Variants in TGFBR3 observed in about 807,000 individuals in gnomAD.
The protein encoded by TGFBR3 is transforming growth factor beta receptor 3.
TGFBR3 carries 46 observed loss-of-function variants against 87.9 expected under a neutral mutation model. The ratio of observed to expected loss-of-function variants is 0.52; its 90% CI spans 0.41 to 0.67. TGFBR3 has a LOEUF of 0.67. Among genes scored for constraint, TGFBR3 ranks in the 30% least tolerant of loss-of-function variants. The pLI is 0.00. For missense variants in TGFBR3, 866 were observed against 1,041.9 expected (o/e 0.83, Z 2.32); for synonymous variants, 381 against 391.6 (o/e 0.97, Z 0.32).
intron 16 of TGFBR3, among the ~76,000 whole-genome samples, chr1:91,684,619 C>T (rs1411935650): frequency 1.3e-5 from 2 of 152,148 alleles, no homozygotes; most frequent in East Asian, 1.9e-4. Flanking sequence ...AGCCATTCAT[C>T]GTGCCAAATG....
At chr1:91,885,490 C>T (rs1012084053) in intron 1 of TGFBR3, among the ~76,000 whole-genome samples, 1 of 152,162 alleles carries the variant, frequency 6.6e-6, no homozygotes, top group African/African-American at 2.4e-5. Context: ...CAATTGACTG[C>T]GAACCCACAA....
intron 3 of TGFBR3, among the ~76,000 whole-genome samples, chr1:91,761,515 G>C (rs1307216984): frequency 6.6e-6 from 1 of 152,190 alleles, no homozygotes; most frequent in Non-Finnish European, 1.5e-5. Flanking sequence ...ATACCCAATA[G>C]TTTCTTTAAA....
Position 91,847,329 on chromosome 1 carries a change from C to A in TGFBR3, c.61+14142G>T, listed in dbSNP as rs142280427. On this transcript the variant is annotated intron_variant, in intron 2 of 16. Coordinates refer to ENST00000212355, the MANE Select transcript of TGFBR3 (RefSeq NM_003243.5). ...ATTATAAGAATAAAGTAGGGCCGGG[C>A]GCGGTGGCTCATGCCTGTAATCCCA... is the stretch of plus-strand genomic sequence containing the variant. 2.0e-5 allele frequency among the ~76,000 whole-genome samples: 3 copies of A among 152,140 alleles called. No individual in the cohort carries two copies. In the South Asian group the frequency reaches 6.2e-4, roughly 32 times the overall value.
chr1:91,828,550 G>A (rs1006914709), intron 2 of TGFBR3, among the ~76,000 whole-genome samples: 3 of 152,174 alleles, frequency 2.0e-5, no homozygotes, highest in African/African-American at 4.8e-5. Flanking sequence ...AGTTCATAAG[G>A]AATTATCATG....
At chr1:91,790,980 A>T (rs947283774) in intron 3 of TGFBR3, among the ~76,000 whole-genome samples, 1 of 152,204 alleles carries the variant, frequency 6.6e-6, no homozygotes, top group Non-Finnish European at 1.5e-5. Flanking sequence ...GTGTATTAAT[A>T]TTGTGGAAAT....
chr1:91,719,202 G>A, intron 10 of TGFBR3, 110 bp downstream of exon 10: 1 of 1,452,972 alleles, frequency 6.9e-7, no homozygotes, highest in Non-Finnish European at 9.6e-7. Flanking sequence ...CTTTCTTCAG[G>A]CCTGGGGTGA....
intron 16 of TGFBR3, among the ~76,000 whole-genome samples, chr1:91,691,960 T>C (rs1423524309): frequency 6.6e-6 from 1 of 151,846 alleles, no homozygotes; most frequent in Non-Finnish European, 1.5e-5. Flanking sequence ...ATTGCGCCAT[T>C]GCACTCCAGC....
chr1:91,814,981 A>G (rs1571538235), intron 2 of TGFBR3, among the ~76,000 whole-genome samples: 1 of 152,170 alleles, frequency 6.6e-6, no homozygotes, highest in East Asian at 1.9e-4. Flanking sequence ...AAAAATCTCT[A>G]CTATACTGTG....
chr1:91,773,694 A>G (rs1557703201), intron 3 of TGFBR3, among the ~76,000 whole-genome samples: 1 of 152,170 alleles, frequency 6.6e-6, no homozygotes. Context: ...AAAACAAAAG[A>G]TCTCTAGAAA....
chr1:91,766,228 G>A (rs1056985268), intron 3 of TGFBR3, among the ~76,000 whole-genome samples: 2 of 133,276 alleles, frequency 1.5e-5, no homozygotes, highest in Admixed American at 1.7e-4. Flanking sequence ...GTAGAGACAG[G>A]GTCTTGCTAT....
chr1:91,787,954 A>AG (rs1477991215), intron 3 of TGFBR3, among the ~76,000 whole-genome samples: 1 of 149,820 alleles, frequency 6.7e-6, no homozygotes, highest in African/African-American at 2.5e-5. Flanking sequence ...AAAAAAAAAA[A>AG]AACCCCAAGA....
chr1:91,804,660 T>C (rs939785879), intron 2 of TGFBR3, among the ~76,000 whole-genome samples: 1 of 152,118 alleles, frequency 6.6e-6, no homozygotes, highest in Non-Finnish European at 1.5e-5. Flanking sequence ...GGCCCGAGTA[T>C]AGCACCTCCC....
Position 91,797,437 on chromosome 1 carries a change from A to G in TGFBR3, c.96T>C (p.Pro32=), listed in dbSNP as rs373417209. ...PEPGALCELS[P]VSASHPVQAL... Reference sequence around the variant, plus strand: ...CCTGGACAGGATGGGAGGCACTGACAGGTGACAGTTCACACAGTGCACCAG... The same window carrying G: ...CCTGGACAGGATGGGAGGCACTGACGGGTGACAGTTCACACAGTGCACCAG... Residue 32 remains proline (P), a synonymous_variant, in exon 3 of 17, where the codon CCT becomes CCC. Coordinates refer to ENST00000212355, the MANE Select transcript of TGFBR3 (RefSeq NM_003243.5). The G allele has an allele frequency of 2.5e-6, 4 of 1,614,088 alleles. No individual in the cohort carries two copies. In the South Asian group the frequency reaches 3.3e-5, roughly 13 times the overall value.
At chr1:91,685,777 T>G (rs1007148011) in intron 16 of TGFBR3, among the ~76,000 whole-genome samples, 35 of 152,198 alleles carry the variant, frequency 2.3e-4, no homozygotes, top group African/African-American at 7.9e-4. Context: ...AGTAGGAGCT[T>G]TATTTCTAGA....
intron 3 of TGFBR3, among the ~76,000 whole-genome samples, chr1:91,790,969 C>T (rs752948367): frequency 5.3e-5 from 8 of 151,906 alleles, no homozygotes; most frequent in South Asian, 2.1e-4. Flanking sequence ...AAAAGGTGTT[C>T]GTGTATTAAT....
At chr1:91,899,909 C>G (rs1258742913) in intron 1 of TGFBR3, among the ~76,000 whole-genome samples, 1 of 149,974 alleles carries the variant, frequency 6.7e-6, no homozygotes, top group Non-Finnish European at 1.5e-5. Flanking sequence ...ATGATGGTAC[C>G]TGTGAATAAC....
At chr1:91,801,098 AAAG>A (rs1321712322) in intron 2 of TGFBR3, 43 of 218,002 alleles carry the variant, frequency 2.0e-4, no homozygotes, top group Admixed American at 7.3e-4. Context: ...AAAAAAAAAA[AAAG>A]AGAGAGAGAG....
intron 3 of TGFBR3, among the ~76,000 whole-genome samples, chr1:91,785,255 A>C (rs1265417423): frequency 6.6e-6 from 1 of 152,270 alleles, no homozygotes; most frequent in Admixed American, 6.5e-5. Flanking sequence ...GATCCCATTC[A>C]TATGAATGTG....
chr1:91,785,720 T>C (rs1008948443), intron 3 of TGFBR3, among the ~76,000 whole-genome samples: 6 of 151,832 alleles, frequency 4.0e-5, no homozygotes, highest in African/African-American at 1.5e-4. Flanking sequence ...TGGGAATCCT[T>C]CCCTCACTTC....
Sources: gnomAD v4.1 joint callset for allele counts (sites outside exome capture counted in the v4.1 genomes callset) on GRCh38, gnomAD v4.1.1 for gene constraint, MANE v1.5 for transcripts, NCBI Gene and HGNC (gene_info 2026-07-23, HGNC 2026-07-21) for gene names.